The following MACROD1 variants were observed in gnomAD, a reference collection of about 807,000 sequenced individuals.
The protein encoded by MACROD1 is mono-ADP ribosylhydrolase 1, also known as ADP-ribose glycohydrolase MACROD1.
Under a neutral mutation model 41.4 loss-of-function variants are expected in MACROD1, and 31 were observed. That is an observed-to-expected ratio of 0.75 (90% confidence interval 0.56 to 1.01). The LOEUF (loss-of-function observed/expected upper bound fraction) is 1.01. Ranked by LOEUF, MACROD1 falls within the 50% of genes least tolerant of loss-of-function variation. The probability of loss-of-function intolerance (pLI) is 0.00; values close to 1 mark genes in which losing one functional copy is unlikely to be tolerated. For synonymous variants in MACROD1, 252 were observed against 203.4 expected, an observed-to-expected ratio of 1.24 and a Z score of -2.03; for missense variants, 473 against 460.0, an observed-to-expected ratio of 1.03 and a Z score of -0.26.
At chr11:64,029,635 C>G (rs1312589883) in intron 3 of MACROD1, among the ~76,000 whole-genome samples, 1 of 152,096 alleles carries the variant, frequency 6.6e-6, no homozygotes, top group Non-Finnish European at 1.5e-5. Context: ...CCAGCCCACC[C>G]TGCGCAGCTG....
intron 3 of MACROD1, among the ~76,000 whole-genome samples, chr11:64,138,889 TC>T: frequency 6.6e-6 from 1 of 151,940 alleles, no homozygotes; most frequent in Non-Finnish European, 1.5e-5. Context: ...TGCCTCAGCC[TC>T]CCGAGTAGCT....
At chr11:64,034,148 T>A (rs1209934670) in intron 3 of MACROD1, among the ~76,000 whole-genome samples, 1 of 152,220 alleles carries the variant, frequency 6.6e-6, no homozygotes, top group African/African-American at 2.4e-5. Context: ...GGAGGAAGGC[T>A]TGAACATAAT....
At chr11:64,022,834 C>T (rs1273259126) in intron 3 of MACROD1, among the ~76,000 whole-genome samples, 1 of 149,238 alleles carries the variant, frequency 6.7e-6, no homozygotes, top group Non-Finnish European at 1.5e-5. Context: ...CATTTATGGG[C>T]ACCAAGTGCA....
intron 3 of MACROD1, among the ~76,000 whole-genome samples, chr11:64,031,476 C>CTTTTT (rs386373983): frequency 0.021 from 2,459 of 114,864 alleles, 148 homozygotes; most frequent in African/African-American, 0.078. Flanking sequence ...GCCTGCCTTC[C>CTTTTT]TTTTTTTTTT....
At chr11:64,000,592 G>C (rs1942807214) in intron 4 of MACROD1, among the ~76,000 whole-genome samples, 1 of 151,994 alleles carries the variant, frequency 6.6e-6, no homozygotes, top group Non-Finnish European at 1.5e-5. Flanking sequence ...GGCAGGGGGC[G>C]CACCCGGCCC....
At chr11:64,027,344 A>G (rs999950331) in intron 3 of MACROD1, among the ~76,000 whole-genome samples, 1 of 151,822 alleles carries the variant, frequency 6.6e-6, no homozygotes, top group Non-Finnish European at 1.5e-5. Flanking sequence ...TGGGGAAGGG[A>G]GCAGATTGAA....
intron 3 of MACROD1, among the ~76,000 whole-genome samples, chr11:64,137,514 A>G (rs1258404639): frequency 6.6e-6 from 1 of 152,226 alleles, no homozygotes; most frequent in Non-Finnish European, 1.5e-5. Context: ...CAAATTTTGC[A>G]GTGGCTGCTG....
chr11:64,105,584 T>C (rs1279155759), intron 3 of MACROD1, among the ~76,000 whole-genome samples: 1 of 152,202 alleles, frequency 6.6e-6, no homozygotes, highest in African/African-American at 2.4e-5. Context: ...CACCCAGCCC[T>C]GCCAGCTACT....
chr11:64,132,687 C>G (rs895439543), intron 3 of MACROD1, among the ~76,000 whole-genome samples: 1 of 152,178 alleles, frequency 6.6e-6, no homozygotes, highest in Admixed American at 6.5e-5. Flanking sequence ...GTGCCCGGGT[C>G]TCCTAATGAA....
At chr11:64,163,875 C>T (rs749728358) in intron 1 of MACROD1, among the ~76,000 whole-genome samples, 5 of 152,212 alleles carry the variant, frequency 3.3e-5, no homozygotes, top group Non-Finnish European at 5.9e-5. Context: ...CTAACTGTGG[C>T]TTCAGTAGCA....
chr11:64,090,187 G>A lies in MACROD1; in HGVS notation c.517+61052C>T, dbSNP rs944100330. On this transcript the variant is annotated intron_variant, in intron 3 of 10. Coordinates refer to ENST00000255681, the MANE Select transcript of MACROD1 (RefSeq NM_014067.4). This position sits in a 1 kb window ranked among gnomAD's most constrained non-coding sequence, Gnocchi z 4.7. ...TCCCAGGCCCCAGGTTTCAGGCCCC[G>A]AACAGCCTGAGTCCACAGGGTGACA... Among the ~76,000 whole-genome samples, 3 of 152,258 alleles carry A rather than the reference G, an allele frequency of 2.0e-5. No homozygotes were observed. Among genetic ancestry groups the A allele is most frequent in the Admixed American group, 1.3e-4 (2 of 15,306 alleles).
At chr11:64,075,888 G>A (rs1944191238) in intron 3 of MACROD1, among the ~76,000 whole-genome samples, 1 of 152,160 alleles carries the variant, frequency 6.6e-6, no homozygotes, top group African/African-American at 2.4e-5. Flanking sequence ...TGGTCAGGCT[G>A]GTCTCAAACT....
chr11:64,115,549 G>C (rs1276649365), intron 3 of MACROD1, among the ~76,000 whole-genome samples: 1 of 152,212 alleles, frequency 6.6e-6, no homozygotes, highest in African/African-American at 2.4e-5. Context: ...TCTTCTGTCT[G>C]TAGAATGTAC....
intron 3 of MACROD1, among the ~76,000 whole-genome samples, chr11:64,034,772 G>A (rs1472320071): frequency 1.3e-5 from 2 of 152,240 alleles, no homozygotes; most frequent in Non-Finnish European, 2.9e-5. Flanking sequence ...ACTGTGGGCG[G>A]TCTGAGGGTG....
chr11:64,159,648 G>A (rs1945723553), intron 1 of MACROD1, among the ~76,000 whole-genome samples: 1 of 151,788 alleles, frequency 6.6e-6, no homozygotes, highest in Non-Finnish European at 1.5e-5. Context: ...TACAAAATTA[G>A]CCGGGCATGG....
At chr11:64,125,859 C>A (rs1009638876) in intron 3 of MACROD1, among the ~76,000 whole-genome samples, 3 of 152,248 alleles carry the variant, frequency 2.0e-5, no homozygotes, top group African/African-American at 7.2e-5. Context: ...GCTGCCCCCG[C>A]AGAATCCCTG....
chr11:64,086,617 G>C (rs183338633), intron 3 of MACROD1, among the ~76,000 whole-genome samples: 1 of 152,078 alleles, frequency 6.6e-6, no homozygotes, highest in Non-Finnish European at 1.5e-5. Context: ...TGCTTTTTCC[G>C]GCCCCTGCAG....
rs1015244756 is a variant in MACROD1, at chr11:64,092,911, C to T, written c.517+58328G>A. On this transcript the variant is annotated intron_variant, in intron 3 of 10. Transcript: ENST00000255681. ...CAAACTTCAATTGGCATCTTTGCCGCAGGACTTCTCAGATCCTTTAATATG... is the reference window on the plus strand; with the variant it reads ...CAAACTTCAATTGGCATCTTTGCCGTAGGACTTCTCAGATCCTTTAATATG... Among the ~76,000 whole-genome samples, 9 of 152,362 alleles carry T rather than the reference C, an allele frequency of 5.9e-5. No homozygotes were observed. The Middle Eastern group carries it at 0.024, about 403-fold the overall frequency.
At chr11:64,125,929 A>G (rs1803382689) in intron 3 of MACROD1, among the ~76,000 whole-genome samples, 1 of 152,202 alleles carries the variant, frequency 6.6e-6, no homozygotes, top group South Asian at 2.1e-4. Context: ...GGGAAAAAAC[A>G]AACGCACCAC....
Sources: gnomAD v4.1 joint callset for allele counts (sites outside exome capture counted in the v4.1 genomes callset) on GRCh38, gnomAD v4.1.1 for gene constraint, Gnocchi (gnomAD v3.1) non-coding constraint, MANE v1.5 for transcripts, NCBI Gene and HGNC (gene_info 2026-07-23, HGNC 2026-07-21) for gene names.